USP6NL: variants seen among roughly 807,000 people sequenced by gnomAD.
The protein encoded by USP6NL is USP6 N-terminal like.
Under a neutral mutation model 61.9 loss-of-function variants are expected in USP6NL, and 26 were observed. That is an observed-to-expected ratio of 0.42 (90% confidence interval 0.31 to 0.58). The LOEUF (loss-of-function observed/expected upper bound fraction) is 0.58. Among genes scored for constraint, USP6NL ranks in the 20% least tolerant of loss-of-function variants. USP6NL has a pLI of 0.16. For missense variants in USP6NL, 1,114 were observed against 1,034.3 expected (o/e 1.08, Z -1.06); for synonymous variants, 432 against 390.1 (o/e 1.11, Z -1.27).
chr10:11,609,956 G>A (rs573211260), intron 1 of USP6NL, among the ~76,000 whole-genome samples: 2 of 152,278 alleles, frequency 1.3e-5, no homozygotes, highest in South Asian at 4.1e-4. Flanking sequence ...ACAACAAAGA[G>A]TCTGGCTGCA....
chr10:11,473,555 G>A (rs191834683), intron 14 of USP6NL, among the ~76,000 whole-genome samples: 65 of 152,266 alleles, frequency 4.3e-4, no homozygotes, highest in Admixed American at 1.5e-3. Flanking sequence ...GAGGAGGAGC[G>A]TATTCCAAGG....
intron 1 of USP6NL, among the ~76,000 whole-genome samples, chr10:11,608,946 AATTATTATTCTTAC>A (rs1484774606): frequency 6.6e-6 from 1 of 152,172 alleles, no homozygotes; most frequent in Admixed American, 6.5e-5. Flanking sequence ...ATTTCTTTTC[AATTATTATTCTTAC>A]AGTGACTTCC....
At chr10:11,505,458 T>C (rs1834391307) in intron 6 of USP6NL, among the ~76,000 whole-genome samples, 1 of 152,210 alleles carries the variant, frequency 6.6e-6, no homozygotes, top group Admixed American at 6.5e-5. Context: ...AAAGAAACTG[T>C]GTTATAAGAA....
chr10:11,507,916 T>C (rs1322972822), intron 6 of USP6NL, among the ~76,000 whole-genome samples: 2 of 152,194 alleles, frequency 1.3e-5, no homozygotes, highest in African/African-American at 4.8e-5. Flanking sequence ...GAGCTGGGGT[T>C]TGACCCATGA....
rs139342774 is a variant in USP6NL at position 11,526,289 on chromosome 10, A to G, written c.73-821T>C. Among the ~76,000 whole-genome samples the G allele has an allele frequency of 3.2e-3, 480 of 152,200 alleles. 2 individuals are homozygous for G. The highest frequency in any genetic ancestry group is 0.011 in the African/African-American group (463 of 41,518). On this transcript the variant is annotated intron_variant, in intron 3 of 14. Coordinates refer to ENST00000609104, the MANE Select transcript of USP6NL (RefSeq NM_014688.5). The stretch of plus-strand genomic sequence containing the variant: ...CCTCAAATTTTAGACTCAAACTCCC[A>G]ACTGTCTTGTGGACACCTCCATCTG...
chr10:11,604,704 T>A (rs895085295), intron 1 of USP6NL, among the ~76,000 whole-genome samples: 3 of 152,158 alleles, frequency 2.0e-5, no homozygotes, highest in Non-Finnish European at 2.9e-5. Context: ...TCTAAAAAAA[T>A]TCCAGAAATT....
chr10:11,588,804 T>C (rs542574542), intron 2 of USP6NL, among the ~76,000 whole-genome samples: 1 of 152,324 alleles, frequency 6.6e-6, no homozygotes, highest in African/African-American at 2.4e-5. Context: ...CAAACATTTT[T>C]AAGTAGCTTT....
chr10:11,550,334 G>A (rs1438025180), intron 2 of USP6NL, among the ~76,000 whole-genome samples: 2 of 152,188 alleles, frequency 1.3e-5, no homozygotes, highest in East Asian at 3.9e-4. Context: ...GAAAAAGCAA[G>A]ACTGGGAGAA....
intron 2 of USP6NL, among the ~76,000 whole-genome samples, chr10:11,558,496 A>T (rs1435166102): frequency 6.6e-6 from 1 of 152,124 alleles, no homozygotes; most frequent in Non-Finnish European, 1.5e-5. Flanking sequence ...ACACCTGAAT[A>T]CCTACAGGAT....
rs1836380729 is a variant in USP6NL at position 11,548,890 on chromosome 10, G to T, written c.5-21323C>A. On this transcript the variant is annotated intron_variant, in intron 2 of 14. Transcript: ENST00000609104. This position sits in a 1 kb window ranked among gnomAD's most constrained non-coding sequence, Gnocchi z 4.3. Reference sequence around the variant, plus strand: ...ATAACAAAAAAAGGAAGTTGTATTAGTGCTATTATACCCAGAAAAGTCCCT... The same window carrying T: ...ATAACAAAAAAAGGAAGTTGTATTATTGCTATTATACCCAGAAAAGTCCCT... Among the ~76,000 whole-genome samples, 1 of 152,080 alleles carries T rather than the reference G, an allele frequency of 6.6e-6. No individual in the cohort carries two copies. The highest frequency in any genetic ancestry group is 2.4e-5 in the African/African-American group (1 of 41,416).
chr10:11,575,477 G>T lies in USP6NL; in HGVS notation c.4+22154C>A, dbSNP rs1314869281. Among the ~76,000 whole-genome samples, 1 of 152,160 alleles carries T rather than the reference G, an allele frequency of 6.6e-6. No homozygotes were observed. Among genetic ancestry groups the T allele is most frequent in the Admixed American group, 6.5e-5 (1 of 15,288 alleles). On this transcript the variant is annotated intron_variant, in intron 2 of 14. Coordinates refer to ENST00000609104, the MANE Select transcript of USP6NL (RefSeq NM_014688.5). This position sits in a 1 kb window ranked among gnomAD's most constrained non-coding sequence, Gnocchi z 4.2. Reference sequence around the variant, plus strand: ...CTCCCAGTCTTTCTCTTTCTGCAAGGAAGGAGATAAGCAGGACATTAACCT... The same window carrying T: ...CTCCCAGTCTTTCTCTTTCTGCAAGTAAGGAGATAAGCAGGACATTAACCT...
At chr10:11,472,572 A>G (rs1488804911) in intron 14 of USP6NL, among the ~76,000 whole-genome samples, 4 of 152,262 alleles carry the variant, frequency 2.6e-5, no homozygotes, top group Non-Finnish European at 5.9e-5. Flanking sequence ...CTACTATTCT[A>G]GGAAAGAGTT....
intron 2 of USP6NL, chr10:11,563,481 TAA>T (rs1837018460): frequency 6.6e-6 from 1 of 151,734 alleles, no homozygotes; most frequent in Admixed American, 6.6e-5. Flanking sequence ...GAAATCTGAA[TAA>T]AGTCTGTGGA....
Position 11,481,868 on chromosome 10 carries a change from A to C in USP6NL, c.980T>G (p.Leu327Arg). ...ATCTTCAAAGAAAAAATCCTTTGCC[A>C]GGGTCTCCTGAAAAAATTCTACAAG... ...EELVEFFQET[L>R]AKDFFFEDDF... Residue 327 changes from leucine to arginine, a missense_variant, in exon 14 of 15, where the codon CTG becomes CGG. Leu to Arg is a moderately radical substitution (Grantham distance 102). Coordinates refer to ENST00000609104, the MANE Select transcript of USP6NL (RefSeq NM_014688.5). This position sits in a 1 kb window ranked among gnomAD's most constrained non-coding sequence, Gnocchi z 4.4. 4 of 1,612,646 alleles carry C rather than the reference A, an allele frequency of 2.5e-6. No homozygotes were observed. Among genetic ancestry groups the C allele is most frequent in the Non-Finnish European group, 3.4e-6 (4 of 1,179,280 alleles).
In USP6NL at chr10:11,526,921, A is replaced by G. The variant is rs564362104; in HGVS notation, c.72+579T>C. On this transcript the variant is annotated intron_variant, in intron 3 of 14. Transcript: ENST00000609104. ...TGTATAAATTCAAAATCTAAGATCC[A>G]TGGTAAATTTATAATAGCAGATGTA... 3.6e-4 allele frequency among the ~76,000 whole-genome samples: 55 copies of G among 152,348 alleles called. 1 individual carries two copies. The South Asian group carries it at 0.011, about 29-fold the overall frequency.
At position 11,463,752 on chromosome 10, in the gene USP6NL, C is replaced by G; in HGVS notation, c.1176G>C (p.Val392=). The G allele has an allele frequency of 6.3e-7, 1 of 1,587,516 alleles. No homozygotes were observed. The highest frequency in any genetic ancestry group is 1.1e-5 in the South Asian group (1 of 87,602). The part of the protein sequence containing the change: ...VHHLSNGQRS[V]GRPSPLASGR... ...CGCTGGCCAGCGGGCTCGGCCGGCC[C>G]ACGCTCCTCTGTCCGTTGCTCAAGT... The change falls in exon 15 of 15, where the codon GTG becomes GTC. Residue 392 remains valine (V), a synonymous_variant. Coordinates refer to ENST00000609104, the MANE Select transcript of USP6NL (RefSeq NM_014688.5). This position sits in a 1 kb window ranked among gnomAD's most constrained non-coding sequence, Gnocchi z 6.3.
rs554917957 is a variant in USP6NL, at chr10:11,569,923, T to G, written c.4+27708A>C. Among the ~76,000 whole-genome samples the G allele has an allele frequency of 7.9e-5, 12 of 152,360 alleles. 1 individual carries two copies. The East Asian group carries it at 1.3e-3, about 17-fold the overall frequency. ...ACATCTTTACACGGATTCTTCATGT[T>G]TGGGCACCTGCGTCACCTATTTTCT... On this transcript the variant is annotated intron_variant, in intron 2 of 14. Transcript: ENST00000609104.
At position 11,602,342 on chromosome 10, in the gene USP6NL, GATA is replaced by G. The variant is rs1275015338; in HGVS notation, c.-83-4628_-83-4626del. 6.6e-6 allele frequency among the ~76,000 whole-genome samples: 1 copy of G among 152,048 alleles called. No individual in the cohort carries two copies. On this transcript the variant is annotated intron_variant, in intron 1 of 14. Transcript: ENST00000609104. The surrounding 1 kb of genome is among the most constrained non-coding windows in gnomAD (Gnocchi z 4.8). ...TCTGTTTTTAAATTTAAAACAGGCAGATAATAACATAGATAACAGGAAGGATTT... is the reference window on the plus strand; with the variant it reads ...TCTGTTTTTAAATTTAAAACAGGCAGATAACATAGATAACAGGAAGGATTT...
At chr10:11,584,876 T>C (rs1239092535) in intron 2 of USP6NL, among the ~76,000 whole-genome samples, 2 of 152,064 alleles carry the variant, frequency 1.3e-5, no homozygotes, top group Non-Finnish European at 2.9e-5. Context: ...AGGCAGAGAC[T>C]GTAGTGAGCC....
Sources: gnomAD v4.1 joint callset for allele counts (sites outside exome capture counted in the v4.1 genomes callset) on GRCh38, gnomAD v4.1.1 for gene constraint, Gnocchi (gnomAD v3.1) non-coding constraint, MANE v1.5 for transcripts, NCBI Gene and HGNC (gene_info 2026-07-23, HGNC 2026-07-21) for gene names.